Variants in LHX9 observed in about 807,000 individuals in gnomAD.
LHX9 encodes the protein LIM homeobox 9.
Under a neutral mutation model 36.5 loss-of-function variants are expected in LHX9, and 9 were observed. The observed-to-expected ratio is 0.25, with a 90% CI of 0.15 to 0.43. The LOEUF (loss-of-function observed/expected upper bound fraction) is 0.43. Ranked by LOEUF, LHX9 falls within the 20% of genes least tolerant of loss-of-function variation. The pLI is 1.00. For synonymous variants in LHX9, 211 were observed against 212.1 expected, an observed-to-expected ratio of 0.99 and a Z score of 0.04; for missense variants, 464 against 526.4, an observed-to-expected ratio of 0.88 and a Z score of 1.16.
rs977625785 is a variant in LHX9, at chr1:197,917,491, T to C, written c.-333T>C. On this transcript the variant is annotated 5_prime_UTR_variant, in exon 1 of 5. Transcript: ENST00000367387. ...TTTTCTTTCTTCACCAGATTTTGTT[T>C]TCCTCCCCCCGCTGCAGTTGTTTCC... 2.2e-6 allele frequency: 3 copies of C among 1,377,532 alleles called. No homozygotes were observed. The highest frequency in any genetic ancestry group is 2.9e-6 in the Non-Finnish European group (3 of 1,036,806). The allele number at this position is 1,377,532 out of a possible 1,614,324, so 85.3% of individuals were successfully genotyped here.
At position 197,931,725 on chromosome 1, in the gene LHX9, C is replaced by G; in HGVS notation, c.*2466C>G. On this transcript the variant is annotated 3_prime_UTR_variant, in exon 5 of 5. Transcript: ENST00000367387. Reference sequence around the variant, plus strand: ...AAAGTAATGCCCCACTGATTTGACTCAGTCCAATTTTTAGAATAAAAAGGC... The same window carrying G: ...AAAGTAATGCCCCACTGATTTGACTGAGTCCAATTTTTAGAATAAAAAGGC... The G allele has an allele frequency of 2.1e-6, 1 of 474,440 alleles. No homozygotes were observed. Among genetic ancestry groups the G allele is most frequent in the Middle Eastern group, 5.6e-4 (1 of 1,770 alleles). The allele number at this position is 474,440 out of a possible 1,614,324, so 29.4% of individuals were successfully genotyped here.
upstream of LHX9, among the ~76,000 whole-genome samples, chr1:197,916,950 T>C (rs1659776760): frequency 4.6e-5 from 7 of 152,266 alleles, no homozygotes; most frequent in South Asian, 1.5e-3. Context: ...AGTTTGAAGT[T>C]GATATTCTCT....
intron 1 of LHX9, chr1:197,918,811 A>T (rs1571399326): frequency 6.8e-5 from 1 of 14,618 alleles, no homozygotes; most frequent in African/African-American, 2.1e-4. Context: ...GGGGGGGGGG[A>T]CTACAGAAGT....
chr1:197,912,882 G>C, upstream of LHX9: 1 of 401,352 alleles, frequency 2.5e-6, no homozygotes, highest in Non-Finnish European at 4.5e-6. Flanking sequence ...ACGCGCTCCT[G>C]ACCCTCCGGG....
rs899092710 is a variant in LHX9, at chr1:197,917,630, C to T, written c.-194C>T. 63 of 1,510,878 alleles carry T rather than the reference C, an allele frequency of 4.2e-5. No individual in the cohort carries two copies. The highest frequency in any genetic ancestry group is 5.4e-5 in the Non-Finnish European group (61 of 1,131,756). 93.6% of individuals were successfully genotyped at this position (1,510,878 alleles called of 1,614,324 possible). ...CCTTCAGGGAGCCGCTGAGGCTTCC[C>T]CCCAACTCTTCCCAGTTCTTTTTGC... On this transcript the variant is annotated 5_prime_UTR_variant, in exon 1 of 5. Transcript: ENST00000367387.
At chr1:197,918,774 G>A (rs1306302440) in intron 1 of LHX9, 3 of 121,996 alleles carry the variant, frequency 2.5e-5, no homozygotes, top group African/African-American at 9.3e-5. Flanking sequence ...TTATCTAAGC[G>A]CTTCCCTTTC....
At position 197,921,284 on chromosome 1, in the gene LHX9, A is replaced by T; in HGVS notation, c.378-20A>T. The T allele has an allele frequency of 1.3e-6, 2 of 1,595,284 alleles. No homozygotes were observed. The highest frequency in any genetic ancestry group is 1.7e-6 in the Non-Finnish European group (2 of 1,169,038). On this transcript the variant is annotated intron_variant, in intron 2 of 4. Coordinates refer to ENST00000367387, the MANE Select transcript of LHX9 (RefSeq NM_020204.3). This position sits in a 1 kb window ranked among gnomAD's most constrained non-coding sequence, Gnocchi z 4.6. ...CTGCCTTGCTTCAACTAGCGCCCTG[A>T]CTCAACTCTTTCCTTCCAGAAGGTT...
chr1:197,924,266 T>C (rs558327815), intron 3 of LHX9, among the ~76,000 whole-genome samples: 7 of 152,354 alleles, frequency 4.6e-5, no homozygotes, highest in African/African-American at 1.2e-4. Flanking sequence ...ACATTAAATG[T>C]AAACAAGTCT....
Position 197,931,961 on chromosome 1 carries a change from T to C in LHX9, c.*2702T>C. ...GCATTACAGCCAAACATCCCGACGT[T>C]TGAAAATTCCCTAAAGTATTAAAAG... is the stretch of plus-strand genomic sequence containing the variant. On this transcript the variant is annotated 3_prime_UTR_variant, in exon 5 of 5. Transcript: ENST00000367387. 1.9e-6 allele frequency: 3 copies of C among 1,547,668 alleles called. No homozygotes were observed. The highest frequency in any genetic ancestry group is 2.6e-6 in the Non-Finnish European group (3 of 1,144,838).
upstream of LHX9, among the ~76,000 whole-genome samples, chr1:197,915,111 G>T (rs1394682422): frequency 1.3e-5 from 2 of 152,162 alleles, no homozygotes; most frequent in Admixed American, 6.5e-5. Flanking sequence ...GTTCTTCATT[G>T]TTGATTTTGC....
chr1:197,921,773 G>C lies in LHX9; in HGVS notation c.733+114G>C, dbSNP rs1264901233. 1.2e-6 allele frequency: 1 copy of C among 838,966 alleles called. No homozygotes were observed. Among genetic ancestry groups the C allele is most frequent in the Non-Finnish European group, 1.8e-6 (1 of 553,424 alleles). The allele number at this position is 838,966 out of a possible 1,614,324, so 52.0% of individuals were successfully genotyped here. On this transcript the variant is annotated intron_variant, in intron 3 of 4. Coordinates refer to ENST00000367387, the MANE Select transcript of LHX9 (RefSeq NM_020204.3). This position sits in a 1 kb window ranked among gnomAD's most constrained non-coding sequence, Gnocchi z 4.6. ...AGAGTGTGTTTTGCCCAATGCCTCTGTTCTCACTGCAACTCCCTCTCACTC... is the reference window on the plus strand; with the variant it reads ...AGAGTGTGTTTTGCCCAATGCCTCTCTTCTCACTGCAACTCCCTCTCACTC...
rs145525454 is a variant in LHX9, at chr1:197,921,515, C to T, written c.589C>T (p.Pro197Ser). 3 of 1,614,038 alleles carry T rather than the reference C, an allele frequency of 1.9e-6. No homozygotes were observed. The highest frequency in any genetic ancestry group is 2.5e-6 in the Non-Finnish European group (3 of 1,180,044). ...FETLLQGEYP[P>S]QLSYTELAAK... ...GACCCTCTTGCAAGGAGAGTATCCA[C>T]CGCAGCTGAGCTACACGGAGCTGGC... Residue 197 changes from proline to serine, a missense_variant, in exon 3 of 5, where the codon CCG (proline) becomes TCG (serine). Pro to Ser is a moderately conservative substitution (Grantham distance 74). Transcript: ENST00000367387. The surrounding 1 kb of genome is among the most constrained non-coding windows in gnomAD (Gnocchi z 4.6).
In LHX9 at chr1:197,919,252, G is replaced by A. The variant is rs538347988; in HGVS notation, c.175-720G>A. On this transcript the variant is annotated intron_variant, in intron 1 of 4. Transcript: ENST00000367387. ...TGGGACCCAGAGGGAAGCATAACTT[G>A]GGCACTAAACAGATTTTCAAGACAA... Among the ~76,000 whole-genome samples the A allele has an allele frequency of 2.9e-3, 441 of 152,318 alleles. 1 individual carries two copies. The highest frequency in any genetic ancestry group is 4.1e-3 in the Non-Finnish European group (282 of 68,030).
intron 3 of LHX9, among the ~76,000 whole-genome samples, chr1:197,923,170 T>G (rs976395239): frequency 3.3e-5 from 5 of 152,208 alleles, no homozygotes; most frequent in African/African-American, 9.6e-5. Context: ...CGGCAGCACT[T>G]GTCCCTAGGG....
At chr1:197,919,883 C>T (rs935407148) in intron 1 of LHX9, 89 bp from the exon 2 acceptor site, 1 of 1,383,652 alleles carries the variant, frequency 7.2e-7, no homozygotes, top group Non-Finnish European at 1.0e-6. Context: ...TCCCTGCACA[C>T]CCTGGGCTTG....
rs1660302475 is a variant in LHX9, at chr1:197,930,550, G to A, written c.*1291G>A. ...AAAAAGAAGTCAAGATATATGTCTTGCTTTAGTGGATTGTTAAGAATAACT... is the reference window on the plus strand; with the variant it reads ...AAAAAGAAGTCAAGATATATGTCTTACTTTAGTGGATTGTTAAGAATAACT... On this transcript the variant is annotated 3_prime_UTR_variant, in exon 5 of 5. Transcript: ENST00000367387. 6.6e-6 allele frequency: 1 copy of A among 151,984 alleles called. No individual in the cohort carries two copies. Among genetic ancestry groups the A allele is most frequent in the Non-Finnish European group, 1.5e-5 (1 of 67,882 alleles). The allele number at this position is 151,984 out of a possible 1,614,324, so 9.4% of individuals were successfully genotyped here.
chr1:197,932,046 G>T lies in LHX9; in HGVS notation c.*2787G>T. The T allele has an allele frequency of 9.7e-7, 1 of 1,035,428 alleles. No individual in the cohort carries two copies. The highest frequency in any genetic ancestry group is 1.4e-6 in the Non-Finnish European group (1 of 716,996). 64.1% of individuals were successfully genotyped at this position (1,035,428 alleles called of 1,614,324 possible). On this transcript the variant is annotated 3_prime_UTR_variant, in exon 5 of 5. Transcript: ENST00000367387. ...GAAGACAAAGACACTATTAGGTTATGATAATCATACATTAAAAAATTTATT... is the reference window on the plus strand; with the variant it reads ...GAAGACAAAGACACTATTAGGTTATTATAATCATACATTAAAAAATTTATT...
chr1:197,914,263 C>T (rs1403243433), upstream of LHX9, among the ~76,000 whole-genome samples: 2 of 152,206 alleles, frequency 1.3e-5, no homozygotes, highest in Non-Finnish European at 2.9e-5. Context: ...TTAGAGGAGA[C>T]TTAAGATCTT....
upstream of LHX9, chr1:197,916,555 G>T (rs530930980): frequency 9.9e-4 from 636 of 645,482 alleles, no homozygotes; most frequent in Non-Finnish European, 1.5e-3. Context: ...CCTGAACCGG[G>T]GAAGAGAATA....
Sources: gnomAD v4.1 joint callset for allele counts (sites outside exome capture counted in the v4.1 genomes callset) on GRCh38, gnomAD v4.1.1 for gene constraint, Gnocchi (gnomAD v3.1) non-coding constraint, MANE v1.5 for transcripts, NCBI Gene and HGNC (gene_info 2026-07-23, HGNC 2026-07-21) for gene names.